The following CSMD2 variants were observed in gnomAD, a reference collection of about 807,000 sequenced individuals.
The protein encoded by CSMD2 is CUB and sushi domain-containing protein 2.
A neutral mutation model predicts 398.5 loss-of-function variants in CSMD2; 130 were observed. The observed-to-expected ratio is 0.33, with a 90% CI of 0.28 to 0.38. CSMD2 has a LOEUF of 0.38. CSMD2 is among the 10% of genes least tolerant of loss of function. The probability of loss-of-function intolerance (pLI) is 1.00; values close to 1 mark genes in which losing one functional copy is unlikely to be tolerated. For missense variants in CSMD2, 3,829 were observed against 4,764.9 expected, an observed-to-expected ratio of 0.80 and a Z score of 5.78; for synonymous variants, 1,828 against 1,908.5, an observed-to-expected ratio of 0.96 and a Z score of 1.10.
At chr1:33,832,074 C>T (rs1223868468) in intron 6 of CSMD2, among the ~76,000 whole-genome samples, 2 of 144,160 alleles carry the variant, frequency 1.4e-5, no homozygotes, top group Non-Finnish European at 3.0e-5. Flanking sequence ...GAGACTTTAA[C>T]ACCCCACTGT....
chr1:33,691,224 T>C (rs1218305676), intron 25 of CSMD2, among the ~76,000 whole-genome samples: 1 of 152,166 alleles, frequency 6.6e-6, no homozygotes, highest in African/African-American at 2.4e-5. Flanking sequence ...CTGAAGTCGC[T>C]GTAGCCTCAA....
chr1:34,099,058 C>G (rs976116736), intron 1 of CSMD2, among the ~76,000 whole-genome samples: 1 of 152,094 alleles, frequency 6.6e-6, no homozygotes, highest in Non-Finnish European at 1.5e-5. Context: ...CAAAAGAAGA[C>G]ATAAATGGCC....
chr1:34,074,793 A>G (rs1656134214), intron 2 of CSMD2, among the ~76,000 whole-genome samples: 1 of 152,160 alleles, frequency 6.6e-6, no homozygotes, highest in African/African-American at 2.4e-5. Context: ...CTGAGCAGGT[A>G]TCACAGGAGG....
intron 5 of CSMD2, among the ~76,000 whole-genome samples, chr1:33,855,418 C>T (rs890654792): frequency 6.6e-6 from 1 of 152,182 alleles, no homozygotes; most frequent in African/African-American, 2.4e-5. Flanking sequence ...TGAGTACTCA[C>T]TTTAATGAGG....
chr1:34,078,870 G>A (rs1035801411), intron 2 of CSMD2, among the ~76,000 whole-genome samples: 12 of 152,152 alleles, frequency 7.9e-5, no homozygotes, highest in African/African-American at 1.9e-4. Flanking sequence ...CAGACACTGC[G>A]GAGTCATCCT....
intron 46 of CSMD2, among the ~76,000 whole-genome samples, chr1:33,584,140 C>T (rs1638910576): frequency 6.6e-6 from 1 of 152,292 alleles, no homozygotes; most frequent in East Asian, 1.9e-4. Flanking sequence ...AACAGTAAGG[C>T]TTCCCCAGAT....
At chr1:33,573,334 A>T (rs760485684) in intron 49 of CSMD2, among the ~76,000 whole-genome samples, 1 of 152,220 alleles carries the variant, frequency 6.6e-6, no homozygotes, top group Non-Finnish European at 1.5e-5. Context: ...TGTGAAGAAA[A>T]TCAGCAGTGC....
intron 2 of CSMD2, among the ~76,000 whole-genome samples, chr1:34,077,406 A>T (rs1158557416): frequency 7.5e-6 from 1 of 134,172 alleles, no homozygotes; most frequent in Non-Finnish European, 1.6e-5. Context: ...GCACTGAGCC[A>T]AGATTGTGCC....
chr1:33,553,172 T>TA (rs397748932), intron 55 of CSMD2, among the ~76,000 whole-genome samples: 1 of 152,184 alleles, frequency 6.6e-6, no homozygotes, highest in Non-Finnish European at 1.5e-5. Flanking sequence ...TTGTTTTTTT[T>TA]ACAAATGAAA....
chr1:34,077,680 T>C (rs1252003954), intron 2 of CSMD2, among the ~76,000 whole-genome samples: 1 of 133,186 alleles, frequency 7.5e-6, no homozygotes, highest in Admixed American at 9.4e-5. Context: ...GAGCTTGCAG[T>C]GAGCTGAGAT....
In CSMD2 at chr1:33,872,092, A is replaced by G. The variant is rs150546711; in HGVS notation, c.921-25096T>C. 2.3e-3 allele frequency among the ~76,000 whole-genome samples: 350 copies of G among 152,286 alleles called. 1 individual carries two copies. The highest frequency in any genetic ancestry group is 2.2e-3 in the Non-Finnish European group (148 of 68,024). Reference sequence around the variant, plus strand: ...GACATTTGGGGGACCCATGCAAACCATATCATGGAGGAGGGACATCCTTGT... The same window carrying G: ...GACATTTGGGGGACCCATGCAAACCGTATCATGGAGGAGGGACATCCTTGT... On this transcript the variant is annotated intron_variant, in intron 5 of 70. Coordinates refer to ENST00000373381, the MANE Select transcript of CSMD2 (RefSeq NM_001281956.2).
chr1:34,127,831 A>G (rs886124613), intron 1 of CSMD2, among the ~76,000 whole-genome samples: 1 of 151,876 alleles, frequency 6.6e-6, no homozygotes, highest in African/African-American at 2.4e-5. Context: ...CTAGTGGGAC[A>G]GTGGTTCAAG....
At chr1:33,891,491 C>A (rs989520676) in intron 5 of CSMD2, among the ~76,000 whole-genome samples, 1 of 151,326 alleles carries the variant, frequency 6.6e-6, no homozygotes, top group Non-Finnish European at 1.5e-5. Context: ...GTCAGTGTGG[C>A]GATTCCTCAG....
intron 55 of CSMD2, among the ~76,000 whole-genome samples, chr1:33,555,777 G>A (rs1170301516): frequency 3.9e-5 from 6 of 152,174 alleles, no homozygotes; most frequent in Non-Finnish European, 5.9e-5. Context: ...TTTTTGACAT[G>A]ATACTACTGC....
intron 2 of CSMD2, among the ~76,000 whole-genome samples, chr1:34,082,472 G>A (rs1011927924): frequency 1.3e-5 from 2 of 151,188 alleles, no homozygotes; most frequent in South Asian, 2.1e-4. Flanking sequence ...GCCCACGCCC[G>A]GCAGCCACCC....
At chr1:33,798,397 G>C (rs755914625) in intron 10 of CSMD2, among the ~76,000 whole-genome samples, 1 of 152,200 alleles carries the variant, frequency 6.6e-6, no homozygotes. Context: ...ATTTAGAGTA[G>C]AATCTAAATG....
At chr1:33,882,870 G>T (rs567512762) in intron 5 of CSMD2, among the ~76,000 whole-genome samples, 10 of 151,820 alleles carry the variant, frequency 6.6e-5, no homozygotes, top group African/African-American at 9.7e-5. Context: ...TTCCCTTCGT[G>T]GCTACGGATG....
intron 41 of CSMD2, among the ~76,000 whole-genome samples, chr1:33,607,805 C>T (rs1640721661): frequency 6.6e-6 from 1 of 152,196 alleles, no homozygotes; most frequent in African/African-American, 2.4e-5. Flanking sequence ...CAGGCAAGTC[C>T]TGAAGGTCAC....
intron 5 of CSMD2, among the ~76,000 whole-genome samples, chr1:33,889,136 G>T (rs531297289): frequency 6.6e-6 from 1 of 152,172 alleles, no homozygotes; most frequent in Admixed American, 6.5e-5. Context: ...ACAAAGTAAG[G>T]CTAAAAGACA....
Sources: allele counts gnomAD v4.1 joint callset (sites outside exome capture counted in the v4.1 genomes callset), GRCh38; gene constraint gnomAD v4.1.1; transcripts MANE v1.5; gene names NCBI Gene and HGNC (gene_info 2026-07-23, HGNC 2026-07-21).